HHAT: variants seen among roughly 807,000 people sequenced by gnomAD.
HHAT encodes protein-cysteine N-palmitoyltransferase HHAT.
HHAT carries 47 observed loss-of-function variants against 70.8 expected under a neutral mutation model. That is an observed-to-expected ratio of 0.66 (90% CI 0.53 to 0.85). The LOEUF is 0.85. HHAT is among the 40% of genes least tolerant of loss of function. HHAT has a pLI of 0.00. For synonymous variants in HHAT, 228 were observed against 247.6 expected (o/e 0.92, Z 0.74); for missense variants, 609 against 604.8 (o/e 1.01, Z -0.07).
intron 8 of HHAT, among the ~76,000 whole-genome samples, chr1:210,480,162 A>T (rs2501893): frequency 0.18 from 26,816 of 152,146 alleles, 2,584 homozygotes; most frequent in East Asian, 0.43. Flanking sequence ...GGAAGTTCAT[A>T]TGGGGTAGAA....
chr1:210,400,074 C>T (rs186162895), intron 4 of HHAT, among the ~76,000 whole-genome samples: 12 of 152,320 alleles, frequency 7.9e-5, no homozygotes, highest in Non-Finnish European at 1.3e-4. Flanking sequence ...ACCTTCACTT[C>T]TGAAGGATGC....
intron 9 of HHAT, among the ~76,000 whole-genome samples, chr1:210,558,061 G>A (rs1474473426): frequency 6.6e-6 from 1 of 152,150 alleles, no homozygotes; most frequent in Non-Finnish European, 1.5e-5. Context: ...TCTTCCACTT[G>A]AGCAGTGAGA....
chr1:210,520,067 G>A (rs907214143), intron 9 of HHAT, among the ~76,000 whole-genome samples: 1 of 152,114 alleles, frequency 6.6e-6, no homozygotes, highest in Non-Finnish European at 1.5e-5. Flanking sequence ...CCAGACTGGA[G>A]TGCAATGGCG....
chr1:210,382,372 A>G (rs1337606204), intron 3 of HHAT, among the ~76,000 whole-genome samples: 1 of 152,194 alleles, frequency 6.6e-6, no homozygotes, highest in African/African-American at 2.4e-5. Flanking sequence ...TTTACACACA[A>G]GGAAATTCAA....
chr1:210,632,938 A>G (rs1052710943), intron 11 of HHAT, among the ~76,000 whole-genome samples: 5 of 152,144 alleles, frequency 3.3e-5, no homozygotes, highest in African/African-American at 1.2e-4. Flanking sequence ...TGCTGCCACA[A>G]AGGAACACCT....
intron 2 of HHAT, among the ~76,000 whole-genome samples, chr1:210,355,514 A>T (rs2087518584): frequency 1.3e-5 from 2 of 152,228 alleles, no homozygotes; most frequent in Admixed American, 6.5e-5. Flanking sequence ...TAAAGTCATC[A>T]GTTTTCCAGA....
intron 9 of HHAT, among the ~76,000 whole-genome samples, chr1:210,572,896 C>G (rs1413712725): frequency 5.3e-5 from 8 of 152,144 alleles, no homozygotes; most frequent in Non-Finnish European, 7.3e-5. Flanking sequence ...ACCCCCCACT[C>G]AAACTCTCCC....
chr1:210,560,814 TAAAAAAAAAAAAAAAAAAA>T (rs60192211), intron 9 of HHAT, among the ~76,000 whole-genome samples: 1,402 of 28,584 alleles, frequency 0.049, 87 homozygotes, highest in Middle Eastern at 0.12. Context: ...CCCTGTGTCT[TAAAAAAAAAAAAAAAAAAA>T]AAAAAAAAAA....
intron 1 of HHAT, among the ~76,000 whole-genome samples, chr1:210,348,035 CA>C: frequency 6.6e-6 from 1 of 152,114 alleles, no homozygotes; most frequent in Non-Finnish European, 1.5e-5. Context: ...GGGTAACAAG[CA>C]GTGTCTGTCA....
At chr1:210,382,744 A>T (rs1459513297) in intron 3 of HHAT, among the ~76,000 whole-genome samples, 1 of 152,158 alleles carries the variant, frequency 6.6e-6, no homozygotes, top group East Asian at 1.9e-4. Flanking sequence ...TATTTTGTGC[A>T]TGTCACTGGG....
At chr1:210,593,630 G>T (rs1258224607) in intron 10 of HHAT, among the ~76,000 whole-genome samples, 1 of 152,154 alleles carries the variant, frequency 6.6e-6, no homozygotes, top group Admixed American at 6.6e-5. Flanking sequence ...TGGAGGAGAA[G>T]AATGTGTATT....
intron 7 of HHAT, among the ~76,000 whole-genome samples, chr1:210,435,700 AT>A (rs201410577): frequency 0.013 from 1,931 of 151,664 alleles, 88 homozygotes; most frequent in African/African-American, 0.043. Flanking sequence ...TTTGATTTGC[AT>A]TTCTGTAATG....
rs1489911722 is a variant in HHAT, at chr1:210,676,271, A to G, written c.*1892A>G. 1 of 152,244 alleles carries G rather than the reference A, an allele frequency of 6.6e-6. No homozygotes were observed. Among genetic ancestry groups the G allele is most frequent in the Non-Finnish European group, 1.5e-5 (1 of 68,048 alleles). 9.4% of individuals were successfully genotyped at this position (152,244 alleles called of 1,614,324 possible). A position where few individuals can be genotyped will look rare whatever the true frequency, so the allele number is the denominator to read the frequency against. ...GATTCATAATGGTTCTCAGGAATTA[A>G]TAAATGATTACTGTGTTTAGCTCTG... On this transcript the variant is annotated 3_prime_UTR_variant, in exon 12 of 12. Coordinates refer to ENST00000261458, the MANE Select transcript of HHAT (RefSeq NM_018194.6).
chr1:210,646,582 C>G (rs1674121006), intron 11 of HHAT, among the ~76,000 whole-genome samples: 2 of 152,182 alleles, frequency 1.3e-5, no homozygotes, highest in Admixed American at 1.3e-4. Flanking sequence ...AACTGTGTTT[C>G]TTTTGCCAAT....
At chr1:210,644,475 C>T (rs867102817) in intron 11 of HHAT, among the ~76,000 whole-genome samples, 7 of 151,672 alleles carry the variant, frequency 4.6e-5, no homozygotes, top group South Asian at 2.1e-4. Context: ...TGGTGGTGGG[C>T]GCCCATAATC....
At chr1:210,502,200 C>G (rs149774407) in intron 8 of HHAT, among the ~76,000 whole-genome samples, 2 of 151,584 alleles carry the variant, frequency 1.3e-5, no homozygotes, top group African/African-American at 4.8e-5. Flanking sequence ...CTGGCTAACA[C>G]AGTAAAACCC....
intron 1 of HHAT, among the ~76,000 whole-genome samples, chr1:210,345,759 T>C (rs2086464641): frequency 6.6e-6 from 1 of 152,204 alleles, no homozygotes; most frequent in Non-Finnish European, 1.5e-5. Context: ...ACTGGTGATG[T>C]TCAGTAAGGA....
intron 11 of HHAT, among the ~76,000 whole-genome samples, chr1:210,647,569 C>T (rs976052222): frequency 1.3e-5 from 2 of 152,124 alleles, no homozygotes; most frequent in African/African-American, 4.8e-5. Flanking sequence ...CTTCCCACCG[C>T]CCCCAGCCCT....
chr1:210,429,628 G>A (rs907693550), intron 7 of HHAT, among the ~76,000 whole-genome samples: 3 of 151,374 alleles, frequency 2.0e-5, no homozygotes, highest in African/African-American at 4.9e-5. Flanking sequence ...CATATAGAAT[G>A]CCGTATGCTT....
Sources: gnomAD v4.1 joint callset for allele counts (sites outside exome capture counted in the v4.1 genomes callset) on GRCh38, gnomAD v4.1.1 for gene constraint, MANE v1.5 for transcripts, NCBI Gene and HGNC (gene_info 2026-07-23, HGNC 2026-07-21) for gene names.